The following SULF1 variants were observed in gnomAD, a reference collection of about 807,000 sequenced individuals.
SULF1 encodes extracellular sulfatase Sulf-1.
Under a neutral mutation model 110.5 loss-of-function variants are expected in SULF1, and 46 were observed. That is an observed-to-expected ratio of 0.42 (90% confidence interval 0.33 to 0.53). The LOEUF is 0.53. Among genes scored for constraint, SULF1 ranks in the 20% least tolerant of loss-of-function variants. The pLI, the probability that SULF1 is intolerant of heterozygous loss-of-function variation, is 0.12. For missense variants in SULF1, 941 were observed against 1,094.2 expected (o/e 0.86, Z 1.98); for synonymous variants, 371 against 387.1 (o/e 0.96, Z 0.49).
chr8:69,523,930 G>A (rs1812497286), intron 3 of SULF1, among the ~76,000 whole-genome samples: 1 of 152,120 alleles, frequency 6.6e-6, no homozygotes, highest in Non-Finnish European at 1.5e-5. Flanking sequence ...ATCCAGAAAG[G>A]AAGAGGCAAT....
At chr8:69,605,215 G>A (rs1808144881) in intron 13 of SULF1, among the ~76,000 whole-genome samples, 1 of 152,202 alleles carries the variant, frequency 6.6e-6, no homozygotes, top group South Asian at 2.1e-4. Context: ...GAAGATTCCT[G>A]TTATAGTCCC....
chr8:69,601,597 G>A, intron 9 of SULF1, 57 bp from the exon 10 acceptor site: 1 of 1,444,250 alleles, frequency 6.9e-7, no homozygotes, highest in South Asian at 1.5e-5. Context: ...CAACACTATT[G>A]AGCATCATCT....
Position 69,629,669 on chromosome 8 carries a change from G to A in SULF1, c.2274G>A (p.Pro758=), listed in dbSNP as rs771989202. 1.1e-5 allele frequency: 17 copies of A among 1,605,134 alleles called. No individual in the cohort carries two copies. The highest frequency in any genetic ancestry group is 4.5e-5 in the East Asian group (2 of 44,790). Residue 758 remains proline, a synonymous_variant, in exon 19 of 23, where the codon CCG becomes CCA. Coordinates refer to ENST00000402687, the MANE Select transcript of SULF1 (RefSeq NM_001128205.2). ...ACAACAACCACTGGCAGACAGCCCC[G>A]TTCTGGAACCGTAAGTTGCTTGTTC... The part of the protein sequence containing the change: ...THDNNHWQTA[P]FWNLGSFCAC...
At chr8:69,557,222 C>A (rs1386455675) in intron 3 of SULF1, among the ~76,000 whole-genome samples, 1 of 152,188 alleles carries the variant, frequency 6.6e-6, no homozygotes, top group African/African-American at 2.4e-5. Flanking sequence ...CTCACTGCCA[C>A]CATTGAAACC....
At chr8:69,624,500 A>G (rs1809847793) in intron 15 of SULF1, among the ~76,000 whole-genome samples, 1 of 152,224 alleles carries the variant, frequency 6.6e-6, no homozygotes, top group South Asian at 2.1e-4. Flanking sequence ...ATCTTGACTT[A>G]GCAGGCATGG....
chr8:69,591,456 C>T (rs1185823060), intron 8 of SULF1, among the ~76,000 whole-genome samples: 1 of 151,312 alleles, frequency 6.6e-6, no homozygotes, highest in Non-Finnish European at 1.5e-5. Flanking sequence ...CCTAGCTACT[C>T]GGGAGGCTGA....
intron 1 of SULF1, among the ~76,000 whole-genome samples, chr8:69,480,494 T>C (rs1809472897): frequency 6.6e-6 from 1 of 152,182 alleles, no homozygotes; most frequent in Non-Finnish European, 1.5e-5. Flanking sequence ...TACTGGGAAA[T>C]AAACATTTGA....
At chr8:69,657,612 C>G (rs368653389) in intron 22 of SULF1, among the ~76,000 whole-genome samples, 11 of 152,290 alleles carry the variant, frequency 7.2e-5, no homozygotes, top group African/African-American at 2.6e-4. Flanking sequence ...TTGGTGTCAA[C>G]GTTTTTTATC....
intron 14 of SULF1, among the ~76,000 whole-genome samples, chr8:69,621,668 A>C (rs1229173158): frequency 6.6e-6 from 1 of 152,256 alleles, no homozygotes; most frequent in East Asian, 1.9e-4. Flanking sequence ...TTTAAGAGGA[A>C]AAGCATAAAC....
intron 1 of SULF1, among the ~76,000 whole-genome samples, chr8:69,494,198 C>T (rs1810158999): frequency 6.6e-6 from 1 of 152,058 alleles, no homozygotes; most frequent in South Asian, 2.1e-4. Context: ...ATTTGTAAGG[C>T]TTTATCATCT....
chr8:69,588,742 A>G (rs1806651257), intron 7 of SULF1, among the ~76,000 whole-genome samples: 1 of 152,168 alleles, frequency 6.6e-6, no homozygotes, highest in Non-Finnish European at 1.5e-5. Flanking sequence ...TGTATTACTT[A>G]AAATCCATTT....
chr8:69,571,907 G>C (rs1297778424), intron 5 of SULF1, among the ~76,000 whole-genome samples: 1 of 152,184 alleles, frequency 6.6e-6, no homozygotes, highest in Non-Finnish European at 1.5e-5. Context: ...GGAGTGAAGA[G>C]ATTCAGATTC....
intron 3 of SULF1, among the ~76,000 whole-genome samples, chr8:69,531,831 G>A (rs780443063): frequency 7.2e-5 from 11 of 152,020 alleles, no homozygotes; most frequent in Non-Finnish European, 1.6e-4. Flanking sequence ...GTTTCTGCTT[G>A]TAGTGGCTCC....
At chr8:69,499,977 C>G (rs1220942339) in intron 2 of SULF1, among the ~76,000 whole-genome samples, 1 of 152,098 alleles carries the variant, frequency 6.6e-6, no homozygotes. Flanking sequence ...GTCTTGAACT[C>G]CTGGCCTCAA....
At chr8:69,653,830 G>A (rs373970084) in intron 22 of SULF1, among the ~76,000 whole-genome samples, 9 of 152,302 alleles carry the variant, frequency 5.9e-5, no homozygotes, top group East Asian at 1.9e-4. Context: ...TTGCAAGGGC[G>A]TTAGGATCTC....
intron 5 of SULF1, among the ~76,000 whole-genome samples, chr8:69,575,301 C>G (rs1028405918): frequency 1.3e-5 from 2 of 151,520 alleles, no homozygotes; most frequent in Admixed American, 6.6e-5. Flanking sequence ...CGAGTGCAAT[C>G]GAATTATAGC....
chr8:69,633,322 G>T (rs940110439), intron 19 of SULF1, among the ~76,000 whole-genome samples: 1 of 148,862 alleles, frequency 6.7e-6, no homozygotes, highest in East Asian at 1.9e-4. Flanking sequence ...AGTCAATCAG[G>T]ACATTCTTTT....
At chr8:69,591,577 A>G (rs1806908791) in intron 8 of SULF1, among the ~76,000 whole-genome samples, 1 of 151,806 alleles carries the variant, frequency 6.6e-6, no homozygotes, top group South Asian at 2.1e-4. Flanking sequence ...AAAAAAAACA[A>G]AGAAAAGAAA....
chr8:69,552,149 A>G (rs1586379702), intron 3 of SULF1, among the ~76,000 whole-genome samples: 1 of 152,346 alleles, frequency 6.6e-6, no homozygotes, highest in East Asian at 1.9e-4. Context: ...TGGAGTAATT[A>G]ACAAGACCTC....
Sources: gnomAD v4.1 joint callset for allele counts (sites outside exome capture counted in the v4.1 genomes callset) on GRCh38, gnomAD v4.1.1 for gene constraint, MANE v1.5 for transcripts, NCBI Gene and HGNC (gene_info 2026-07-23, HGNC 2026-07-21) for gene names.